TRHDE: variants seen among roughly 807,000 people sequenced by gnomAD.
TRHDE encodes thyrotropin-releasing hormone-degrading ectoenzyme.
TRHDE carries 72 observed loss-of-function variants against 125.7 expected under a neutral mutation model. The ratio of observed to expected loss-of-function variants is 0.57; its 90% CI spans 0.47 to 0.70. The LOEUF is 0.70. Among genes scored for constraint, TRHDE ranks in the 30% least tolerant of loss-of-function variants. TRHDE has a pLI of 0.00. For missense variants in TRHDE, 1,110 were observed against 1,327.1 expected, an observed-to-expected ratio of 0.84 and a Z score of 2.54; for synonymous variants, 509 against 509.1, an observed-to-expected ratio of 1.00 and a Z score of 0.00.
At chr12:72,380,078 T>C (rs1162759520) in intron 3 of TRHDE, among the ~76,000 whole-genome samples, 4 of 152,236 alleles carry the variant, frequency 2.6e-5, no homozygotes, top group Non-Finnish European at 4.4e-5. Flanking sequence ...GCTTAGTATT[T>C]GCTGGTGATG....
chr12:72,228,243 C>T (rs1039339635), intron 2 of TRHDE, among the ~76,000 whole-genome samples: 7 of 152,220 alleles, frequency 4.6e-5, no homozygotes, highest in African/African-American at 1.7e-4. Flanking sequence ...CAGGCATTTC[C>T]ATCCAGCCTC....
At chr12:72,585,913 C>T (rs1327639968) in intron 12 of TRHDE, among the ~76,000 whole-genome samples, 1 of 152,110 alleles carries the variant, frequency 6.6e-6, no homozygotes, top group Non-Finnish European at 1.5e-5. Flanking sequence ...TATATGAATA[C>T]AGGTACTAAT....
Position 72,182,946 on chromosome 12 carries a change from G to A in TRHDE, n.279+77194G>A, listed in dbSNP as rs372460543. On this transcript the variant is annotated intron_variant and non_coding_transcript_variant, in intron 2 of 4. Coordinates refer to the TRHDE transcript ENST00000548156. ...CAGTGTTGTAAGACAATGTTATGGGGGAATAGGAATTAGGAGTCTGTAAAG... is the reference window on the plus strand; with the variant it reads ...CAGTGTTGTAAGACAATGTTATGGGAGAATAGGAATTAGGAGTCTGTAAAG... Among the ~76,000 whole-genome samples, 14 of 152,306 alleles carry A rather than the reference G, an allele frequency of 9.2e-5. No homozygotes were observed. The South Asian group carries it at 2.9e-3, about 32-fold the overall frequency.
In TRHDE at chr12:72,106,760, T is replaced by C. The variant is rs1263172953; in HGVS notation, n.279+1008T>C. On this transcript the variant is annotated intron_variant and non_coding_transcript_variant, in intron 2 of 4. Transcript: ENST00000548156. ...TTTCATTCACTCATTCATTCATTCA[T>C]TCAACAGATATTCATTGAATATCTC... 2.0e-5 allele frequency among the ~76,000 whole-genome samples: 3 copies of C among 152,096 alleles called. No homozygotes were observed. The East Asian group carries it at 5.8e-4, about 29-fold the overall frequency.
chr12:72,203,158 A>C (rs1877594372), intron 2 of TRHDE, among the ~76,000 whole-genome samples: 1 of 151,988 alleles, frequency 6.6e-6, no homozygotes, highest in African/African-American at 2.4e-5. Context: ...AGAGAGAGAG[A>C]GGAGAGACAG....
rs185386407 is a variant in TRHDE, at chr12:72,543,237, A to G, written c.1788+881A>G. The stretch of plus-strand genomic sequence containing the variant: ...TAGTATAATTCTATCTGTACCCCCA[A>G]ATAAATTGAAAGATAAAATACAAGG... On this transcript the variant is annotated intron_variant, in intron 7 of 18. Transcript: ENST00000261180. Among the ~76,000 whole-genome samples the G allele has an allele frequency of 1.1e-4, 16 of 151,616 alleles. No homozygotes were observed. The East Asian group carries it at 3.1e-3, about 29-fold the overall frequency.
At chr12:72,141,845 C>T (rs1876118011) in intron 2 of TRHDE, among the ~76,000 whole-genome samples, 1 of 152,126 alleles carries the variant, frequency 6.6e-6, no homozygotes, top group Non-Finnish European at 1.5e-5. Context: ...CAGGAGAGGG[C>T]TTTCCCCTAC....
intron 2 of TRHDE, among the ~76,000 whole-genome samples, chr12:72,287,780 T>G (rs1879945923): frequency 6.6e-6 from 1 of 152,186 alleles, no homozygotes; most frequent in African/African-American, 2.4e-5. Context: ...GGCTATCATT[T>G]GTGACACCAT....
intron 2 of TRHDE, among the ~76,000 whole-genome samples, chr12:72,333,306 T>C (rs1049640231): frequency 4.6e-5 from 7 of 152,206 alleles, no homozygotes; most frequent in Non-Finnish European, 8.8e-5. Context: ...TGTCCTACTA[T>C]AAGAGTCAAT....
chr12:72,385,284 G>A (rs1481221200), intron 3 of TRHDE, among the ~76,000 whole-genome samples: 1 of 151,790 alleles, frequency 6.6e-6, no homozygotes, highest in Non-Finnish European at 1.5e-5. Context: ...TGGTTTCTTG[G>A]TGGAAACTAA....
intron 2 of TRHDE, among the ~76,000 whole-genome samples, chr12:72,329,605 T>C (rs770376395): frequency 2.0e-5 from 3 of 152,220 alleles, no homozygotes; most frequent in Non-Finnish European, 4.4e-5. Flanking sequence ...CTCATTCCTA[T>C]TTTGTTTCAT....
At chr12:72,639,495 C>G (rs1220484873) in intron 15 of TRHDE, among the ~76,000 whole-genome samples, 1 of 152,048 alleles carries the variant, frequency 6.6e-6, no homozygotes, top group Non-Finnish European at 1.5e-5. Context: ...GAAGCCTTCT[C>G]TCAGCTCATC....
At chr12:72,295,321 C>A (rs1002115973) in intron 2 of TRHDE, among the ~76,000 whole-genome samples, 2 of 152,148 alleles carry the variant, frequency 1.3e-5, no homozygotes, top group African/African-American at 2.4e-5. Context: ...ATGGAGAGGG[C>A]AGCCCTGGCC....
At chr12:72,349,645 A>G (rs767462861) in intron 2 of TRHDE, among the ~76,000 whole-genome samples, 7 of 151,962 alleles carry the variant, frequency 4.6e-5, no homozygotes, top group Non-Finnish European at 1.0e-4. Context: ...GCCTAACAAC[A>G]TCTGTTTTTT....
chr12:72,483,703 A>G (rs748426009), intron 5 of TRHDE, among the ~76,000 whole-genome samples: 21 of 152,022 alleles, frequency 1.4e-4, no homozygotes, highest in Non-Finnish European at 2.7e-4. Flanking sequence ...TTCGTACTCT[A>G]TATGTTCTGG....
At chr12:72,655,371 C>T (rs1483537807) in intron 17 of TRHDE, among the ~76,000 whole-genome samples, 2 of 152,180 alleles carry the variant, frequency 1.3e-5, no homozygotes, top group African/African-American at 2.4e-5. Flanking sequence ...ACCGCCTTGG[C>T]CTGTATGCAC....
At chr12:72,375,997 A>G (rs1004459662) in intron 2 of TRHDE, among the ~76,000 whole-genome samples, 4 of 152,170 alleles carry the variant, frequency 2.6e-5, no homozygotes, top group African/African-American at 4.8e-5. Flanking sequence ...CAGCTCACAC[A>G]GGACATCTTC....
chr12:72,450,158 T>G (rs1875501578), intron 3 of TRHDE, among the ~76,000 whole-genome samples: 1 of 152,074 alleles, frequency 6.6e-6, no homozygotes, highest in African/African-American at 2.4e-5. Flanking sequence ...GTGACTATGG[T>G]TAATAGCAAT....
chr12:72,167,779 A>G (rs536518990), intron 2 of TRHDE: 3 of 152,224 alleles, frequency 2.0e-5, no homozygotes, highest in Admixed American at 6.5e-5. Flanking sequence ...AATGGGAGAC[A>G]TGGGAATCAC....
Sources: allele counts gnomAD v4.1 joint callset (sites outside exome capture counted in the v4.1 genomes callset), GRCh38; gene constraint gnomAD v4.1.1; transcripts MANE v1.5; gene names NCBI Gene and HGNC (gene_info 2026-07-23, HGNC 2026-07-21).